The following ITGBL1 variants were observed in gnomAD, a reference collection of about 807,000 sequenced individuals.
The protein encoded by ITGBL1 is integrin subunit beta like 1.
In ITGBL1, 51 loss-of-function variants were observed where a neutral mutation model predicts 68.5. That is an observed-to-expected ratio of 0.74 (90% CI 0.59 to 0.94). The LOEUF (loss-of-function observed/expected upper bound fraction) is 0.94. Among genes scored for constraint, ITGBL1 ranks in the 40% least tolerant of loss-of-function variants. The pLI, the probability that ITGBL1 is intolerant of heterozygous loss-of-function variation, is 0.00. For synonymous variants in ITGBL1, 209 were observed against 227.3 expected (o/e 0.92, Z 0.72); for missense variants, 649 against 647.4 (o/e 1.00, Z -0.03).
intron 7 of ITGBL1, among the ~76,000 whole-genome samples, chr13:101,621,221 G>T (rs1440076401): frequency 1.3e-5 from 2 of 152,110 alleles, no homozygotes; most frequent in Non-Finnish European, 2.9e-5. Flanking sequence ...ACAAGTGTAT[G>T]TCTCCATCCC....
intron 2 of ITGBL1, among the ~76,000 whole-genome samples, chr13:101,525,526 G>T (rs1292128525): frequency 1.9e-5 from 2 of 107,104 alleles, no homozygotes; most frequent in African/African-American, 2.8e-5. Context: ...CAGGCACCTT[G>T]TTTTTTTTTT....
chr13:101,717,831 T>G (rs2034784231), downstream of ITGBL1: 1 of 152,132 alleles, frequency 6.6e-6, no homozygotes, highest in African/African-American at 2.4e-5. Context: ...TCTCTATAGC[T>G]CATCACAAAA....
chr13:101,707,017 G>A lies in ITGBL1; in HGVS notation c.1279+115G>A, dbSNP rs142868340. 412 of 958,128 alleles carry A rather than the reference G, an allele frequency of 4.3e-4. No homozygotes were observed. In the African/African-American group the frequency reaches 5.9e-3, roughly 14 times the overall value. 59.4% of individuals were successfully genotyped at this position (958,128 alleles called of 1,614,324 possible). A position where few individuals can be genotyped will look rare whatever the true frequency, so the allele number is the denominator to read the frequency against. Reference sequence around the variant, plus strand: ...ACTTTGCATGAAAGCAAACCACTATGTCCTCTGCTGTCCCCAACTTGAAGC... The same window carrying A: ...ACTTTGCATGAAAGCAAACCACTATATCCTCTGCTGTCCCCAACTTGAAGC... On this transcript the variant is annotated intron_variant, in intron 9 of 10. Coordinates refer to ENST00000376180, the MANE Select transcript of ITGBL1 (RefSeq NM_004791.3).
At chr13:101,585,097 T>C (rs989480391) in intron 6 of ITGBL1, among the ~76,000 whole-genome samples, 1 of 152,118 alleles carries the variant, frequency 6.6e-6, no homozygotes, top group Non-Finnish European at 1.5e-5. Flanking sequence ...ACTGGGGGGC[T>C]TTTTACCTTC....
chr13:101,557,612 CAG>C (rs745942338), intron 2 of ITGBL1, among the ~76,000 whole-genome samples: 117 of 152,022 alleles, frequency 7.7e-4, no homozygotes, highest in Non-Finnish European at 1.5e-3. Context: ...TTCAGTAAAA[CAG>C]GGGAGGTTTC....
intron 2 of ITGBL1, among the ~76,000 whole-genome samples, chr13:101,548,687 G>A (rs770390889): frequency 2.3e-4 from 35 of 151,712 alleles, no homozygotes; most frequent in African/African-American, 5.8e-4. Context: ...TCATTAACTT[G>A]ATAAAGATCT....
chr13:101,570,583 A>G (rs1299017046), intron 3 of ITGBL1, among the ~76,000 whole-genome samples: 1 of 152,196 alleles, frequency 6.6e-6, no homozygotes, highest in African/African-American at 2.4e-5. Context: ...CTGAGCAAAC[A>G]ATGATTCATG....
intron 7 of ITGBL1, among the ~76,000 whole-genome samples, chr13:101,672,799 TTCCATGTGTGCGTG>T (rs1260173411): frequency 3.3e-5 from 5 of 152,128 alleles, no homozygotes; most frequent in African/African-American, 1.2e-4. Context: ...CCTTAACCCA[TTCCATGTGTGCGTG>T]TCCATGTTGT....
chr13:101,691,952 G>A (rs1374838481), intron 7 of ITGBL1, among the ~76,000 whole-genome samples: 1 of 152,130 alleles, frequency 6.6e-6, no homozygotes, highest in African/African-American at 2.4e-5. Flanking sequence ...TCAGCATAAT[G>A]GGACTAGTTA....
chr13:101,509,572 C>T (rs556307044), intron 2 of ITGBL1, among the ~76,000 whole-genome samples: 11 of 152,042 alleles, frequency 7.2e-5, no homozygotes, highest in South Asian at 6.2e-4. Context: ...CAATATTAAC[C>T]GATATTCAAT....
At chr13:101,547,784 G>C (rs530384150) in intron 2 of ITGBL1, among the ~76,000 whole-genome samples, 1 of 151,530 alleles carries the variant, frequency 6.6e-6, no homozygotes, top group East Asian at 1.9e-4. Context: ...ACTATTATGC[G>C]TTGTATGCCT....
At chr13:101,619,191 T>C (rs1007857558) in intron 7 of ITGBL1, among the ~76,000 whole-genome samples, 2 of 152,052 alleles carry the variant, frequency 1.3e-5, no homozygotes, top group African/African-American at 4.8e-5. Context: ...AAATAATTCA[T>C]TGATGATTGT....
chr13:101,465,746 A>G (rs1328453065), intron 2 of ITGBL1, among the ~76,000 whole-genome samples: 1 of 152,156 alleles, frequency 6.6e-6, no homozygotes, highest in Non-Finnish European at 1.5e-5. Context: ...GACTTTTTTG[A>G]AGAGAAGGTA....
At chr13:101,482,704 A>T (rs2048643215) in intron 2 of ITGBL1, among the ~76,000 whole-genome samples, 1 of 152,136 alleles carries the variant, frequency 6.6e-6, no homozygotes, top group Non-Finnish European at 1.5e-5. Context: ...TCAAATACTC[A>T]TAGGTGTATC....
In ITGBL1 at chr13:101,498,853, A is replaced by T. The variant is rs143370591; in HGVS notation, c.316+44753A>T. Among the ~76,000 whole-genome samples the T allele has an allele frequency of 3.9e-3, 591 of 152,280 alleles. 7 individuals carry two copies. Among genetic ancestry groups the T allele is most frequent in the Admixed American group, 6.4e-3 (98 of 15,294 alleles). ...ACAGAGAAACAGATTTCATGGACTC[A>T]CAGTTCCATGTGGCTGGGGAGGCCT... On this transcript the variant is annotated intron_variant, in intron 2 of 10. Transcript: ENST00000376180.
chr13:101,655,226 C>T (rs548837390), intron 7 of ITGBL1, among the ~76,000 whole-genome samples: 94 of 152,272 alleles, frequency 6.2e-4, no homozygotes, highest in African/African-American at 2.1e-3. Context: ...GAAATCTCAC[C>T]ACACTGCTAG....
intron 6 of ITGBL1, among the ~76,000 whole-genome samples, chr13:101,597,573 A>T (rs934503863): frequency 6.7e-6 from 1 of 150,086 alleles, no homozygotes; most frequent in Non-Finnish European, 1.5e-5. Flanking sequence ...TTTTTTTGAG[A>T]CGGAGTCTCC....
intron 2 of ITGBL1, among the ~76,000 whole-genome samples, chr13:101,458,620 GA>G (rs1259821857): frequency 6.6e-6 from 1 of 151,254 alleles, no homozygotes; most frequent in Non-Finnish European, 1.5e-5. Flanking sequence ...CCCACCAGTG[GA>G]TACCAAGGAT....
chr13:101,565,530 C>T (rs886412709), intron 2 of ITGBL1, among the ~76,000 whole-genome samples: 13 of 152,072 alleles, frequency 8.5e-5, no homozygotes, highest in Admixed American at 2.6e-4. Context: ...CAAACAGATG[C>T]TAAGGAAGAA....
Sources: allele counts gnomAD v4.1 joint callset (sites outside exome capture counted in the v4.1 genomes callset), GRCh38; gene constraint gnomAD v4.1.1; transcripts MANE v1.5; gene names NCBI Gene and HGNC (gene_info 2026-07-23, HGNC 2026-07-21).